PTPRT: variants seen among roughly 807,000 people sequenced by gnomAD.
PTPRT encodes the protein protein tyrosine phosphatase receptor type T, also known as receptor-type tyrosine-protein phosphatase T.
PTPRT carries 56 observed loss-of-function variants against 176.8 expected under a neutral mutation model. That is an observed-to-expected ratio of 0.32 (90% confidence interval 0.26 to 0.40). The LOEUF is 0.40. Among genes scored for constraint, PTPRT ranks in the 10% least tolerant of loss-of-function variants. PTPRT has a pLI of 1.00. For missense variants in PTPRT, 1,540 were observed against 1,908.2 expected, an observed-to-expected ratio of 0.81 and a Z score of 3.60; for synonymous variants, 783 against 739.0, an observed-to-expected ratio of 1.06 and a Z score of -0.96.
chr20:42,102,915 C>T (rs1305924258), intron 25 of PTPRT, among the ~76,000 whole-genome samples: 1 of 152,240 alleles, frequency 6.6e-6, no homozygotes. Context: ...CTAGATGTTA[C>T]GTGCAATGAC....
intron 7 of PTPRT, among the ~76,000 whole-genome samples, chr20:42,549,978 G>T (rs1424434925): frequency 6.6e-6 from 1 of 152,116 alleles, no homozygotes; most frequent in Non-Finnish European, 1.5e-5. Flanking sequence ...GTTTCAAATT[G>T]AAAATGGGCA....
intron 9 of PTPRT, among the ~76,000 whole-genome samples, chr20:42,421,237 C>T (rs1308205482): frequency 6.6e-6 from 1 of 150,694 alleles, no homozygotes; most frequent in African/African-American, 2.4e-5. Context: ...GTTCCTGACC[C>T]CCTAACATAC....
chr20:42,857,252 A>G (rs1006512648), intron 2 of PTPRT, among the ~76,000 whole-genome samples: 1 of 152,154 alleles, frequency 6.6e-6, no homozygotes, highest in Non-Finnish European at 1.5e-5. Flanking sequence ...GTTTCTGCCT[A>G]TTCACACATT....
At chr20:42,384,343 G>A (rs1309982615) in intron 9 of PTPRT, among the ~76,000 whole-genome samples, 1 of 152,214 alleles carries the variant, frequency 6.6e-6, no homozygotes, top group Non-Finnish European at 1.5e-5. Flanking sequence ...AGAAGTGACG[G>A]CAGTGGGGAA....
intron 12 of PTPRT, among the ~76,000 whole-genome samples, chr20:42,300,031 G>A (rs1284787332): frequency 6.6e-6 from 1 of 151,408 alleles, no homozygotes; most frequent in Non-Finnish European, 1.5e-5. Flanking sequence ...GCTGAGGCAG[G>A]TGGATCACCT....
At chr20:42,149,501 G>T (rs778680796) in intron 17 of PTPRT, among the ~76,000 whole-genome samples, 4 of 150,504 alleles carry the variant, frequency 2.7e-5, no homozygotes. Context: ...TCAGCTCACC[G>T]CAACGTCTGC....
chr20:42,323,620 G>C (rs1003553964), intron 11 of PTPRT, among the ~76,000 whole-genome samples: 1 of 152,060 alleles, frequency 6.6e-6, no homozygotes, highest in Admixed American at 6.6e-5. Context: ...GTGGGGTAGG[G>C]GGAGAGGGGA....
chr20:42,256,547 G>C (rs549660189), intron 13 of PTPRT, among the ~76,000 whole-genome samples: 1 of 150,554 alleles, frequency 6.6e-6, no homozygotes, highest in African/African-American at 2.5e-5. Flanking sequence ...GTGTGATGTT[G>C]ATACAGGAAA....
chr20:42,061,251 C>G, the PTPRT span, among the ~76,000 whole-genome samples: 1 of 152,016 alleles, frequency 6.6e-6, no homozygotes, highest in Non-Finnish European at 1.5e-5. Context: ...TGTGAAGCAT[C>G]TTACCGTGAT....
intron 14 of PTPRT, among the ~76,000 whole-genome samples, chr20:42,241,008 AT>A (rs367706049): frequency 1.7e-4 from 26 of 152,334 alleles, no homozygotes; most frequent in Admixed American, 3.3e-4. Context: ...CTTATGAGGC[AT>A]TATTATCCCT....
chr20:42,545,296 G>C (rs1408763792), intron 7 of PTPRT, among the ~76,000 whole-genome samples: 7 of 152,124 alleles, frequency 4.6e-5, no homozygotes, highest in Admixed American at 4.6e-4. Flanking sequence ...TCAGTTACCT[G>C]GCAAACAGGA....
intron 12 of PTPRT, among the ~76,000 whole-genome samples, chr20:42,283,166 G>A (rs1277718695): frequency 2.0e-5 from 3 of 152,258 alleles, no homozygotes; most frequent in East Asian, 1.9e-4. Flanking sequence ...ATTCATAAAT[G>A]TGTGATGTTG....
intron 6 of PTPRT, among the ~76,000 whole-genome samples, chr20:42,681,997 T>C (rs77885587): frequency 0.029 from 4,465 of 152,262 alleles, 233 homozygotes; most frequent in African/African-American, 0.1. Flanking sequence ...TCTATGGTGA[T>C]AAAAGCCAGA....
chr20:42,311,699 T>C (rs6102766), intron 12 of PTPRT, among the ~76,000 whole-genome samples: 70,694 of 151,722 alleles, frequency 0.47, 16,791 homozygotes, highest in Admixed American at 0.53. Flanking sequence ...TACCCCCCCG[T>C]CACCCCATAT....
chr20:42,248,661 T>G, intron 14 of PTPRT, 26 bp downstream of exon 14: 1 of 1,612,270 alleles, frequency 6.2e-7, no homozygotes, highest in Non-Finnish European at 8.5e-7. Context: ...GTCAGCAGAG[T>G]CTTGCAGGCA....
At chr20:42,683,099 AT>A (rs11479015) in intron 6 of PTPRT, among the ~76,000 whole-genome samples, 13,401 of 152,038 alleles carry the variant, frequency 0.088, 671 homozygotes, top group South Asian at 0.16. Flanking sequence ...TTTTAACTGC[AT>A]TTTCTATTCA....
chr20:42,107,213 C>T (rs547143779), intron 23 of PTPRT, among the ~76,000 whole-genome samples: 1 of 145,088 alleles, frequency 6.9e-6, no homozygotes, highest in South Asian at 2.2e-4. Context: ...ATTTTCTACC[C>T]TTCTTTTCTC....
At chr20:42,872,649 G>A (rs1448614997) in intron 2 of PTPRT, among the ~76,000 whole-genome samples, 1 of 152,144 alleles carries the variant, frequency 6.6e-6, no homozygotes, top group African/African-American at 2.4e-5. Context: ...CCTTCTTCTT[G>A]ATTCATAAAT....
At chr20:42,835,138 C>T (rs942094283) in intron 2 of PTPRT, among the ~76,000 whole-genome samples, 4 of 151,886 alleles carry the variant, frequency 2.6e-5, no homozygotes, top group East Asian at 1.9e-4. Context: ...AGAACACAGG[C>T]GATATTAAAC....
Sources: allele counts gnomAD v4.1 joint callset (sites outside exome capture counted in the v4.1 genomes callset), GRCh38; gene constraint gnomAD v4.1.1; transcripts MANE v1.5; gene names NCBI Gene and HGNC (gene_info 2026-07-23, HGNC 2026-07-21).